The following DHTKD1 variants were observed in gnomAD, a reference collection of about 807,000 sequenced individuals.
DHTKD1 encodes the protein dehydrogenase E1 and transketolase domain containing 1.
A neutral mutation model predicts 101.8 loss-of-function variants in DHTKD1; 78 were observed. The ratio of observed to expected loss-of-function variants is 0.77; its 90% CI spans 0.64 to 0.93. DHTKD1 has a LOEUF of 0.93. Among genes scored for constraint, DHTKD1 ranks in the 40% least tolerant of loss-of-function variants. The probability of loss-of-function intolerance (pLI) is 0.00; values close to 1 mark genes in which losing one functional copy is unlikely to be tolerated. For synonymous variants in DHTKD1, 462 were observed against 450.3 expected (o/e 1.03, Z -0.33); for missense variants, 1,223 against 1,161.7 (o/e 1.05, Z -0.77).
chr10:12,104,239 C>T (rs188471360), intron 10 of DHTKD1, among the ~76,000 whole-genome samples: 3 of 151,738 alleles, frequency 2.0e-5, no homozygotes, highest in African/African-American at 4.8e-5. Context: ...AGTGCAGTGG[C>T]GCAACCTCGG....
At position 12,087,309 on chromosome 10, in the gene DHTKD1, C is replaced by T. The variant is rs180986392; in HGVS notation, c.523-226C>T. On this transcript the variant is annotated intron_variant, in intron 3 of 16. Transcript: ENST00000263035. This position sits in a 1 kb window ranked among gnomAD's most constrained non-coding sequence, Gnocchi z 5.2. ...GGGGGTTTCCTTGGGGTGAGTTATT[C>T]TGCCGCTCAGGTTATTCTCCTCAGC... is the stretch of plus-strand genomic sequence containing the variant. Among the ~76,000 whole-genome samples the T allele has an allele frequency of 4.5e-3, 688 of 152,176 alleles. 16 individuals are homozygous for T. The highest frequency in any genetic ancestry group is 0.036 in the Admixed American group (543 of 15,246).
rs763016579 is a variant in DHTKD1, at chr10:12,098,005, C to G, written c.1671+9C>G. On this transcript the variant is annotated intron_variant, in intron 8 of 16. Transcript: ENST00000263035. ...TGAAGACACATGTTCAGGTGGGCAG[C>G]CTCCAAATGGCTGGTTATTGCTTCT... The G allele has an allele frequency of 1.4e-5, 23 of 1,588,094 alleles. No individual in the cohort carries two copies. In the East Asian group the frequency reaches 4.1e-4, roughly 28 times the overall value.
intron 7 of DHTKD1, 102 bp downstream of exon 7, chr10:12,094,373 A>C: frequency 2.8e-6 from 3 of 1,055,028 alleles, no homozygotes; most frequent in South Asian, 2.9e-5. Flanking sequence ...TCTGGAATGC[A>C]GTAGCACGAT....
chr10:12,086,612 G>A (rs544217262), intron 3 of DHTKD1, among the ~76,000 whole-genome samples: 1 of 151,942 alleles, frequency 6.6e-6, no homozygotes, highest in Non-Finnish European at 1.5e-5. Flanking sequence ...ATCAGCCACC[G>A]TGACTGGCCT....
rs552958928 is a variant in DHTKD1, at chr10:12,095,447, G to A, written c.1358+1176G>A. On this transcript the variant is annotated intron_variant, in intron 7 of 16. Transcript: ENST00000263035. ...AATCCCAGCACTTTGGGAGGCCAAGGTGGGTGGATCACTTGAGGTCAGGAG... is the reference window on the plus strand; with the variant it reads ...AATCCCAGCACTTTGGGAGGCCAAGATGGGTGGATCACTTGAGGTCAGGAG... Among the ~76,000 whole-genome samples, 11 of 152,300 alleles carry A rather than the reference G, an allele frequency of 7.2e-5. No individual in the cohort carries two copies. The South Asian group carries it at 2.3e-3, about 32-fold the overall frequency.
intron 3 of DHTKD1, among the ~76,000 whole-genome samples, chr10:12,086,441 G>A (rs371256658): frequency 6.6e-6 from 1 of 151,052 alleles, no homozygotes; most frequent in Non-Finnish European, 1.5e-5. Flanking sequence ...GGATGGTCTC[G>A]ATCTCCTGAC....
chr10:12,120,181 G>C lies in DHTKD1; in HGVS notation c.2573-1G>C, dbSNP rs1342488764. 2 of 1,612,870 alleles carry C rather than the reference G, an allele frequency of 1.2e-6. No homozygotes were observed. Among genetic ancestry groups the C allele is most frequent in the Admixed American group, 3.3e-5 (2 of 59,954 alleles). On this transcript the variant is annotated splice_acceptor_variant, in intron 15 of 16. Transcript: ENST00000263035. LOFTEE classifies it high-confidence loss of function. ...TGCTGAAAGAATTTCTTCTCTCATA[G>C]ATCATATTTGGAGTCAGGAGGAACC...
intron 8 of DHTKD1, among the ~76,000 whole-genome samples, chr10:12,098,634 G>A (rs1161877455): frequency 6.6e-6 from 1 of 152,028 alleles, no homozygotes; most frequent in Non-Finnish European, 1.5e-5. Context: ...GCGTGATCTC[G>A]GCTCACTGCA....
At chr10:12,112,864 G>A (rs779439311) in intron 12 of DHTKD1, 36 bp from the exon 13 acceptor site, 20 of 1,568,796 alleles carry the variant, frequency 1.3e-5, no homozygotes, top group Non-Finnish European at 1.7e-5. Context: ...TAGATGATCT[G>A]AACATTCTTC....
rs1230750606 is a variant in DHTKD1 at position 12,089,024 on chromosome 10, A to C, written c.756A>C (p.Pro252=). 6.2e-7 allele frequency: 1 copy of C among 1,614,074 alleles called. No homozygotes were observed. Among genetic ancestry groups the C allele is most frequent in the Admixed American group, 1.7e-5 (1 of 59,988 alleles). Residue 252 remains proline, a synonymous_variant, in exon 5 of 17, where the codon CCA becomes CCC. Transcript: ENST00000263035. ...AAATGCGAGGCTTAAGTGAATTTCC[A>C]GAGAATTTCTCAGCCACTGGAGACG... is the stretch of plus-strand genomic sequence containing the variant. The part of the protein sequence containing the change: ...FRKMRGLSEF[P]ENFSATGDVL...
At chr10:12,085,120 G>A (rs529055045) in intron 3 of DHTKD1, among the ~76,000 whole-genome samples, 1 of 151,970 alleles carries the variant, frequency 6.6e-6, no homozygotes, top group South Asian at 2.1e-4. Context: ...ATATAGCCTG[G>A]CTGACATAGA....
At chr10:12,070,084 T>C (rs966636667) in intron 1 of DHTKD1, among the ~76,000 whole-genome samples, 1 of 152,178 alleles carries the variant, frequency 6.6e-6, no homozygotes. Flanking sequence ...CTCTTAACTC[T>C]GCTGAATTTG....
At chr10:12,072,461 CAA>C (rs1832664629) in intron 1 of DHTKD1, among the ~76,000 whole-genome samples, 1 of 148,402 alleles carries the variant, frequency 6.7e-6, no homozygotes, top group East Asian at 2.0e-4. Context: ...GACTCTGTCT[CAA>C]TAAATAAATA....
rs1335162373 is a variant in DHTKD1 at position 12,107,319 on chromosome 10, C to T, written c.2048-590C>T. On this transcript the variant is annotated intron_variant, in intron 11 of 16. Transcript: ENST00000263035. The surrounding 1 kb of genome is among the most constrained non-coding windows in gnomAD (Gnocchi z 4.1). ...CCCATTCTTGTAAGAGTGGTGCCTG[C>T]GGTGGTATTGGAGCGGCATGTGCTG... is the stretch of plus-strand genomic sequence containing the variant. Among the ~76,000 whole-genome samples the T allele has an allele frequency of 1.3e-5, 2 of 151,272 alleles. No individual in the cohort carries two copies. The highest frequency in any genetic ancestry group is 2.4e-5 in the African/African-American group (1 of 41,194).
At chr10:12,089,313 G>T in intron 5 of DHTKD1, 58 bp downstream of exon 5, 1 of 1,526,748 alleles carries the variant, frequency 6.5e-7, no homozygotes, top group Non-Finnish European at 9.0e-7. Flanking sequence ...AGAATGTGTG[G>T]GTTGGGAGGG....
chr10:12,115,169 T>G (rs1402043893), intron 13 of DHTKD1, among the ~76,000 whole-genome samples: 1 of 151,930 alleles, frequency 6.6e-6, no homozygotes, highest in Non-Finnish European at 1.5e-5. Flanking sequence ...CTTGGCTCGC[T>G]CGCTGCAAAC....
intron 7 of DHTKD1, among the ~76,000 whole-genome samples, chr10:12,096,688 CTCTTT>C (rs1833075615): frequency 6.6e-6 from 1 of 152,224 alleles, no homozygotes; most frequent in Non-Finnish European, 1.5e-5. Flanking sequence ...GCTTTCTTCT[CTCTTT>C]TATCAGGATT....
Position 12,118,559 on chromosome 10 carries a change from T to C in DHTKD1, c.2403-190T>C, listed in dbSNP as rs185069799. On this transcript the variant is annotated intron_variant, in intron 14 of 16. Transcript: ENST00000263035. ...CAGTACGCCCGGCTAATTTTTTGTA[T>C]TTTTAGTAGAGACAGGGTTTCACCG... Among the ~76,000 whole-genome samples the C allele has an allele frequency of 7.6e-3, 1,150 of 152,040 alleles. 9 individuals carry two copies. Among genetic ancestry groups the C allele is most frequent in the Non-Finnish European group, 0.013 (892 of 67,954 alleles).
intron 15 of DHTKD1, among the ~76,000 whole-genome samples, chr10:12,119,873 G>A (rs1167585407): frequency 2.6e-5 from 4 of 152,112 alleles, no homozygotes; most frequent in African/African-American, 9.7e-5. Context: ...ACAAAACACA[G>A]CTTAGCCTAG....
Sources: allele counts gnomAD v4.1 joint callset (sites outside exome capture counted in the v4.1 genomes callset), GRCh38; gene constraint gnomAD v4.1.1; non-coding constraint Gnocchi (gnomAD v3.1); transcripts MANE v1.5; gene names NCBI Gene and HGNC (gene_info 2026-07-23, HGNC 2026-07-21).